Variants in TLN2 observed in about 807,000 individuals in gnomAD.
TLN2 encodes the protein talin 2.
Under a neutral mutation model 294.7 loss-of-function variants are expected in TLN2, and 118 were observed. That is an observed-to-expected ratio of 0.40 (90% CI 0.34 to 0.47). TLN2 has a LOEUF of 0.47. Ranked by LOEUF, TLN2 falls within the 20% of genes least tolerant of loss-of-function variation. The pLI, the probability that TLN2 is intolerant of heterozygous loss-of-function variation, is 0.84. For synonymous variants in TLN2, 1,431 were observed against 1,304.5 expected, an observed-to-expected ratio of 1.10 and a Z score of -2.09; for missense variants, 3,083 against 3,282.2, an observed-to-expected ratio of 0.94 and a Z score of 1.48.
intron 36 of TLN2, 27 bp from the exon 37 acceptor site, chr15:62,755,505 C>G: frequency 6.2e-7 from 1 of 1,611,136 alleles, no homozygotes; most frequent in Non-Finnish European, 8.5e-7. Context: ...GCATGGGGTA[C>G]CCCCAACCTA....
At chr15:62,433,973 A>T (rs2035157410) in intron 1 of TLN2, among the ~76,000 whole-genome samples, 3 of 152,138 alleles carry the variant, frequency 2.0e-5, no homozygotes, top group African/African-American at 7.2e-5. Flanking sequence ...TGGGTGACAG[A>T]GCAAGATTCT....
intron 1 of TLN2, among the ~76,000 whole-genome samples, chr15:62,414,166 ATATATATAT>A (rs2033947633): frequency 1.3e-5 from 1 of 79,314 alleles, no homozygotes; most frequent in African/African-American, 3.7e-5. Context: ...AAAAAAAACT[ATATATATAT>A]ATATATATAT....
intron 29 of TLN2, among the ~76,000 whole-genome samples, chr15:62,737,574 T>G (rs1392692200): frequency 6.6e-6 from 1 of 152,090 alleles, no homozygotes; most frequent in Non-Finnish European, 1.5e-5. Context: ...AGGAGATGGC[T>G]TAGATGAGAG....
chr15:62,729,325 C>A (rs2060596519), intron 28 of TLN2, among the ~76,000 whole-genome samples: 1 of 152,124 alleles, frequency 6.6e-6, no homozygotes, highest in East Asian at 1.9e-4. Flanking sequence ...TTATTCTTGG[C>A]CTTTTCCATT....
chr15:62,636,901 A>G (rs2050434032), intron 3 of TLN2, among the ~76,000 whole-genome samples: 1 of 152,226 alleles, frequency 6.6e-6, no homozygotes, highest in African/African-American at 2.4e-5. Flanking sequence ...TCATTCTTCC[A>G]GGTTCAGTCT....
chr15:62,568,589 G>C (rs2043608843), intron 1 of TLN2, among the ~76,000 whole-genome samples: 1 of 152,174 alleles, frequency 6.6e-6, no homozygotes, highest in Non-Finnish European at 1.5e-5. Context: ...GATAATGACA[G>C]CCACTCATCA....
chr15:62,401,551 C>T (rs2033022602), intron 1 of TLN2, among the ~76,000 whole-genome samples: 1 of 152,138 alleles, frequency 6.6e-6, no homozygotes, highest in African/African-American at 2.4e-5. Flanking sequence ...ATTGGAATCA[C>T]CTGGAGGTTC....
At chr15:62,672,518 G>A (rs1388671629) in intron 9 of TLN2, among the ~76,000 whole-genome samples, 1 of 152,176 alleles carries the variant, frequency 6.6e-6, no homozygotes, top group Non-Finnish European at 1.5e-5. Context: ...GATAACTCTC[G>A]AGGCTGGATG....
intron 1 of TLN2, among the ~76,000 whole-genome samples, chr15:62,486,088 T>C (rs1323241094): frequency 3.3e-5 from 5 of 152,220 alleles, no homozygotes; most frequent in South Asian, 2.1e-4. Flanking sequence ...GCCATACTTA[T>C]CATTCTCTGT....
At chr15:62,392,382 C>T (rs911866622) in intron 1 of TLN2, among the ~76,000 whole-genome samples, 1 of 152,064 alleles carries the variant, frequency 6.6e-6, no homozygotes, top group Admixed American at 6.5e-5. Flanking sequence ...AGAAGTGGTC[C>T]CCAAAATACA....
intron 23 of TLN2, among the ~76,000 whole-genome samples, chr15:62,717,340 T>C (rs1398926769): frequency 6.6e-6 from 1 of 152,196 alleles, no homozygotes; most frequent in Non-Finnish European, 1.5e-5. Flanking sequence ...ACAAATGAAC[T>C]TCAAAGCTTG....
chr15:62,800,972 C>G (rs1035613955), intron 50 of TLN2, among the ~76,000 whole-genome samples: 4 of 152,174 alleles, frequency 2.6e-5, no homozygotes, highest in African/African-American at 9.7e-5. Flanking sequence ...TAAGTGTAAT[C>G]AAGGAGTTAA....
At chr15:62,452,906 G>A (rs1390084300) in intron 1 of TLN2, among the ~76,000 whole-genome samples, 1 of 152,146 alleles carries the variant, frequency 6.6e-6, no homozygotes, top group Non-Finnish European at 1.5e-5. Flanking sequence ...TTTGCTTCCA[G>A]CTGTTCTTGG....
At chr15:62,808,971 C>T (rs990755639) in intron 51 of TLN2, among the ~76,000 whole-genome samples, 1 of 152,198 alleles carries the variant, frequency 6.6e-6, no homozygotes, top group Non-Finnish European at 1.5e-5. Flanking sequence ...AAACATGGAT[C>T]CTGGTCTTTG....
chr15:62,659,660 G>A (rs2053605311), intron 9 of TLN2, among the ~76,000 whole-genome samples: 1 of 152,146 alleles, frequency 6.6e-6, no homozygotes, highest in African/African-American at 2.4e-5. Flanking sequence ...TTTTTTGTAA[G>A]ATTATAATAT....
intron 26 of TLN2, 141 bp downstream of exon 26, chr15:62,722,628 T>G: frequency 8.8e-7 from 1 of 1,140,834 alleles, no homozygotes; most frequent in Non-Finnish European, 1.2e-6. Flanking sequence ...AAGATGCCCC[T>G]GTGGGTTGGC....
At position 62,717,705 on chromosome 15, in the gene TLN2, A is replaced by C. The variant is rs745785851; in HGVS notation, c.2877+16A>C. On this transcript the variant is annotated intron_variant, in intron 24 of 58. Transcript: ENST00000636159. ...GAGTTGCAAGGTGAGGTTCCAGTGC[A>C]CAGAGAGCCAGGTCAGCTGCAGATG... The C allele has an allele frequency of 1.3e-6, 2 of 1,537,102 alleles. No individual in the cohort carries two copies. The highest frequency in any genetic ancestry group is 8.7e-7 in the Non-Finnish European group (1 of 1,144,308).
intron 33 of TLN2, among the ~76,000 whole-genome samples, chr15:62,749,727 T>C (rs1175368257): frequency 6.6e-6 from 1 of 152,154 alleles, no homozygotes; most frequent in Non-Finnish European, 1.5e-5. Context: ...AATGGCTGCA[T>C]CCCCAGGAAA....
At chr15:62,429,166 A>G (rs1390342679) in intron 1 of TLN2, among the ~76,000 whole-genome samples, 2 of 149,072 alleles carry the variant, frequency 1.3e-5, no homozygotes, top group Admixed American at 6.7e-5. Flanking sequence ...CAATCACTCA[A>G]GCGGGGTGCA....
Sources: allele counts gnomAD v4.1 joint callset (sites outside exome capture counted in the v4.1 genomes callset), GRCh38; gene constraint gnomAD v4.1.1; transcripts MANE v1.5; gene names NCBI Gene and HGNC (gene_info 2026-07-23, HGNC 2026-07-21).